The following R3HDML variants were observed in gnomAD, a reference collection of about 807,000 sequenced individuals.
The protein encoded by R3HDML is peptidase inhibitor R3HDML.
In R3HDML, 21 loss-of-function variants were observed where a neutral mutation model predicts 24.2. The observed-to-expected ratio is 0.87, with a 90% CI of 0.62 to 1.25. The LOEUF is 1.25. Ranked by LOEUF, R3HDML falls within the 50% of genes most tolerant of loss-of-function variation. The pLI is 0.00. For missense variants in R3HDML, 301 were observed against 340.3 expected (o/e 0.88, Z 0.91); for synonymous variants, 133 against 131.5 (o/e 1.01, Z -0.08).
rs3761184 is a variant in R3HDML, at chr20:44,341,158, A to T, written c.262-38A>T. 2.3e-5 allele frequency: 35 copies of T among 1,538,552 alleles called. No individual in the cohort carries two copies. In the African/African-American group the frequency reaches 3.5e-4, roughly 16 times the overall value. ...TGGACACAGTTGTGACGATGGTGGC[A>T]ATTCCCCTGGGGAATTTCATTGCCT... On this transcript the variant is annotated intron_variant, in intron 1 of 4. Transcript: ENST00000217043.
intron 4 of R3HDML, among the ~76,000 whole-genome samples, chr20:44,346,269 A>T (rs1020533332): frequency 6.6e-6 from 1 of 152,078 alleles, no homozygotes; most frequent in Admixed American, 6.6e-5. Context: ...CTACAGGTGA[A>T]TGCCACCATG....
chr20:44,349,274 G>C (rs1315667940), intron 4 of R3HDML, among the ~76,000 whole-genome samples: 1 of 152,088 alleles, frequency 6.6e-6, no homozygotes, highest in Non-Finnish European at 1.5e-5. Context: ...CTTGGGCATG[G>C]GAAATCGACC....
intron 4 of R3HDML, among the ~76,000 whole-genome samples, chr20:44,346,711 G>C (rs964743919): frequency 6.6e-6 from 1 of 152,234 alleles, no homozygotes; most frequent in African/African-American, 2.4e-5. Flanking sequence ...AGATCCCAAA[G>C]AAAAGGAAGG....
At chr20:44,340,335 C>A (rs2062768977) in intron 1 of R3HDML, among the ~76,000 whole-genome samples, 1 of 152,186 alleles carries the variant, frequency 6.6e-6, no homozygotes, top group Non-Finnish European at 1.5e-5. Context: ...AAGTGATCTG[C>A]CTGCCTCAGC....
chr20:44,349,130 GTAAAA>G (rs1357931029), intron 4 of R3HDML, among the ~76,000 whole-genome samples: 14 of 139,348 alleles, frequency 1.0e-4, no homozygotes, highest in African/African-American at 2.8e-4. Flanking sequence ...CTATCTCAAA[GTAAAA>G]TAAAATAAAA....
chr20:44,345,014 T>C, intron 3 of R3HDML: 1 of 513,106 alleles, frequency 1.9e-6, no homozygotes, highest in Non-Finnish European at 3.5e-6. Flanking sequence ...TCAAATTGTG[T>C]GTATGTGTGT....
chr20:44,341,409 C>A, intron 2 of R3HDML, 95 bp downstream of exon 2: 1 of 1,003,450 alleles, frequency 1.0e-6, no homozygotes, highest in Non-Finnish European at 1.5e-6. Flanking sequence ...CACTGGGATA[C>A]AGTGGCGAGC....
intron 4 of R3HDML, among the ~76,000 whole-genome samples, chr20:44,346,673 C>A (rs2146113068): frequency 6.6e-6 from 1 of 152,320 alleles, no homozygotes; most frequent in Non-Finnish European, 1.5e-5. Flanking sequence ...AAAATACAGC[C>A]AAGAACACAT....
Position 44,345,314 on chromosome 20 carries a change from A to G in R3HDML, c.565A>G (p.Ser189Gly), listed in dbSNP as rs750818385. The G allele has an allele frequency of 6.2e-7, 1 of 1,614,212 alleles. No homozygotes were observed. Among genetic ancestry groups the G allele is most frequent in the Non-Finnish European group, 8.5e-7 (1 of 1,180,038 alleles). The change falls in exon 4 of 5, where the codon AGC becomes GGC. Residue 189 changes from serine to glycine, a missense_variant. Ser to Gly is a moderately conservative substitution (Grantham distance 56). Transcript: ENST00000217043. ...GGGCTGTGCCATCCACACCTGTAGT[A>G]GCATCAGTGTCTGGGGCAACACCTG... ...RLGCAIHTCS[S>G]ISVWGNTWHR...
chr20:44,341,843 C>T (rs773244571), intron 2 of R3HDML, among the ~76,000 whole-genome samples: 1 of 152,020 alleles, frequency 6.6e-6, no homozygotes, highest in Non-Finnish European at 1.5e-5. Flanking sequence ...TGAGGTTGCG[C>T]CACTGCACTC....
chr20:44,337,939 AG>A lies in R3HDML; in HGVS notation c.261+522del, dbSNP rs1168634361. ...TGACACACCCACAGCATCCTCCACA[AG>A]CCCCTGGAGGCAGGCTTGGAGCAGT... is the stretch of plus-strand genomic sequence containing the variant. On this transcript the variant is annotated intron_variant, in intron 1 of 4. Coordinates refer to ENST00000217043, the MANE Select transcript of R3HDML (RefSeq NM_178491.4). The surrounding 1 kb of genome is among the most constrained non-coding windows in gnomAD (Gnocchi z 4.7). Among the ~76,000 whole-genome samples, 3 of 152,276 alleles carry A rather than the reference AG, an allele frequency of 2.0e-5. No homozygotes were observed. Among genetic ancestry groups the A allele is most frequent in the Non-Finnish European group, 1.5e-5 (1 of 68,026 alleles).
intron 1 of R3HDML, among the ~76,000 whole-genome samples, chr20:44,339,913 G>C (rs980134483): frequency 5.3e-5 from 8 of 151,856 alleles, no homozygotes; most frequent in African/African-American, 1.9e-4. Context: ...CAAGTAGCTG[G>C]GACCACAGGT....
intron 4 of R3HDML, 29 bp downstream of exon 4, chr20:44,345,407 C>A (rs770807254): frequency 6.5e-7 from 1 of 1,534,736 alleles, no homozygotes; most frequent in South Asian, 1.2e-5. Context: ...GCAAAGAGGG[C>A]CCTGGGGCCG....
Position 44,349,122 on chromosome 20 carries a change from A to C in R3HDML, c.630-1538A>C, listed in dbSNP as rs1008371489. On this transcript the variant is annotated intron_variant, in intron 4 of 4. Coordinates refer to ENST00000217043, the MANE Select transcript of R3HDML (RefSeq NM_178491.4). ...AGCCTGGGCGACAATGCGAGACTCT[A>C]TCTCAAAGTAAAATAAAATAAAATA... 5.2e-4 allele frequency among the ~76,000 whole-genome samples: 78 copies of C among 149,634 alleles called. 1 individual carries two copies. The Admixed American group carries it at 5.2e-3, about 10-fold the overall frequency.
At chr20:44,341,376 T>C (rs2062772004) in intron 2 of R3HDML, 62 bp downstream of exon 2, 1 of 1,342,042 alleles carries the variant, frequency 7.5e-7, no homozygotes, top group Middle Eastern at 1.8e-4. Flanking sequence ...GAACACTTAC[T>C]CTGTACCAGG....
Position 44,350,921 on chromosome 20 carries a change from C to A in R3HDML, c.*129C>A. 1.9e-6 allele frequency: 2 copies of A among 1,032,942 alleles called. No homozygotes were observed. The highest frequency in any genetic ancestry group is 2.7e-5 in the East Asian group (1 of 37,600). 64.0% of individuals were successfully genotyped at this position (1,032,942 alleles called of 1,614,324 possible). On this transcript the variant is annotated 3_prime_UTR_variant, in exon 5 of 5. Transcript: ENST00000217043. Reference sequence around the variant, plus strand: ...TAGAATCACCCCCTGTTGAATTTTCCCTCCTAGATCCCCTTCTTAAATGTC... The same window carrying A: ...TAGAATCACCCCCTGTTGAATTTTCACTCCTAGATCCCCTTCTTAAATGTC...
rs141837738 is a variant in R3HDML at position 44,342,560 on chromosome 20, G to A, written c.381-817G>A. Among the ~76,000 whole-genome samples, 9 of 152,288 alleles carry A rather than the reference G, an allele frequency of 5.9e-5. No homozygotes were observed. In the East Asian group the frequency reaches 1.4e-3, roughly 23 times the overall value. ...GTGTTAGACACGAAGCTGTGCTGTC[G>A]TAAATTATGAATGTGCATTCTTCCA... On this transcript the variant is annotated intron_variant, in intron 2 of 4. Transcript: ENST00000217043.
chr20:44,337,099 C>G lies in R3HDML; in HGVS notation c.-59C>G. 8 of 1,558,572 alleles carry G rather than the reference C, an allele frequency of 5.1e-6. No homozygotes were observed. Among genetic ancestry groups the G allele is most frequent in the Non-Finnish European group, 7.0e-6 (8 of 1,149,276 alleles). ...CAGGGTCTGGTGCTCTCGTGCCTGC[C>G]CCTTCCAGGCAGCCGGCTCTGATTG... is the stretch of plus-strand genomic sequence containing the variant. On this transcript the variant is annotated 5_prime_UTR_variant, in exon 1 of 5. Transcript: ENST00000217043. This position sits in a 1 kb window ranked among gnomAD's most constrained non-coding sequence, Gnocchi z 4.7.
chr20:44,345,526 G>A (rs954224295), intron 4 of R3HDML, 148 bp downstream of exon 4: 10 of 605,178 alleles, frequency 1.7e-5, no homozygotes, highest in Admixed American at 3.3e-5. Flanking sequence ...TACTAAGGCC[G>A]AGCATGGTGG....
Sources: gnomAD v4.1 joint callset for allele counts (sites outside exome capture counted in the v4.1 genomes callset) on GRCh38, gnomAD v4.1.1 for gene constraint, Gnocchi (gnomAD v3.1) non-coding constraint, MANE v1.5 for transcripts, NCBI Gene and HGNC (gene_info 2026-07-23, HGNC 2026-07-21) for gene names.